The following CLEC2D variants were observed in gnomAD, a reference collection of about 807,000 sequenced individuals.
CLEC2D encodes the protein C-type lectin related f.
CLEC2D carries 16 observed loss-of-function variants against 20.0 expected under a neutral mutation model. That is an observed-to-expected ratio of 0.80 (90% CI 0.54 to 1.22). The LOEUF (loss-of-function observed/expected upper bound fraction) is 1.22, where lower values mean the gene tolerates loss of function less well. Among genes scored for constraint, CLEC2D ranks in the 50% most tolerant of loss-of-function variants. The pLI is 0.00. For synonymous variants in CLEC2D, 77 were observed against 71.1 expected, an observed-to-expected ratio of 1.08 and a Z score of -0.42; for missense variants, 207 against 221.5, an observed-to-expected ratio of 0.93 and a Z score of 0.42.
intron 3 of CLEC2D, among the ~76,000 whole-genome samples, chr12:9,692,415 C>T (rs1379796838): frequency 6.6e-6 from 1 of 152,132 alleles, no homozygotes; most frequent in African/African-American, 2.4e-5. Flanking sequence ...ACTGGGATTA[C>T]AGGTGCTTGG....
chr12:9,690,441 A>G (rs1341453217), intron 3 of CLEC2D, among the ~76,000 whole-genome samples: 2 of 152,102 alleles, frequency 1.3e-5, no homozygotes, highest in Non-Finnish European at 2.9e-5. Flanking sequence ...TCATAAAAGT[A>G]ACAATAGAGG....
intron 1 of CLEC2D, among the ~76,000 whole-genome samples, chr12:9,670,273 C>T (rs945731715): frequency 1.4e-4 from 21 of 150,376 alleles, no homozygotes; most frequent in Non-Finnish European, 2.7e-4. Flanking sequence ...ACATTGGATG[C>T]ACTGGAAATA....
At chr12:9,689,612 C>T (rs1348525811) in intron 3 of CLEC2D, among the ~76,000 whole-genome samples, 3 of 151,312 alleles carry the variant, frequency 2.0e-5, no homozygotes, top group South Asian at 2.1e-4. Flanking sequence ...TAAAGGAAAC[C>T]GAAAACATAA....
Position 9,695,579 on chromosome 12 carries a change from A to G in CLEC2D, c.*705A>G. The G allele has an allele frequency of 2.7e-6, 4 of 1,506,666 alleles. No individual in the cohort carries two copies. The highest frequency in any genetic ancestry group is 3.6e-6 in the Non-Finnish European group (4 of 1,097,704). The allele number at this position is 1,506,666 out of a possible 1,614,324, so 93.3% of individuals were successfully genotyped here. On this transcript the variant is annotated 3_prime_UTR_variant, in exon 5 of 5. Coordinates refer to ENST00000290855, the MANE Select transcript of CLEC2D (RefSeq NM_013269.6). ...CACATTGTTGAAGCAGAGGCCATGA[A>G]TGACGAAGGCAGTCCAATTAAAGTA...
In CLEC2D at chr12:9,695,489, G is replaced by A. The variant is rs1865962328; in HGVS notation, c.*615G>A. ...AGATGATCACTTTAAGGTGGATAAT[G>A]ATGAAAATGAGACCAGTTATCTTTA... On this transcript the variant is annotated 3_prime_UTR_variant, in exon 5 of 5. Coordinates refer to ENST00000290855, the MANE Select transcript of CLEC2D (RefSeq NM_013269.6). 7.9e-7 allele frequency: 1 copy of A among 1,270,694 alleles called. No homozygotes were observed. The highest frequency in any genetic ancestry group is 1.7e-5 in the Admixed American group (1 of 59,388). The allele number at this position is 1,270,694 out of a possible 1,614,324, so 78.7% of individuals were successfully genotyped here. A position where few individuals can be genotyped will look rare whatever the true frequency, so the allele number is the denominator to read the frequency against.
At chr12:9,686,372 A>G (rs979994160) in intron 2 of CLEC2D, among the ~76,000 whole-genome samples, 2 of 151,968 alleles carry the variant, frequency 1.3e-5, no homozygotes, top group African/African-American at 4.8e-5. Context: ...ACAAATATGC[A>G]CAGATTTGGG....
In CLEC2D at chr12:9,697,253, G is replaced by A. The variant is rs990575299; in HGVS notation, c.*2379G>A. On this transcript the variant is annotated 3_prime_UTR_variant, in exon 5 of 5. Coordinates refer to ENST00000290855, the MANE Select transcript of CLEC2D (RefSeq NM_013269.6). ...AATGAGGGCAAGGAACACCTGGCCT[G>A]CCCAGGGTGGAAAACCACTTAAAGG... 1.3e-5 allele frequency: 2 copies of A among 152,138 alleles called. No homozygotes were observed. The highest frequency in any genetic ancestry group is 2.9e-5 in the Non-Finnish European group (2 of 68,034). 9.4% of individuals were successfully genotyped at this position (152,138 alleles called of 1,614,324 possible). A position where few individuals can be genotyped will look rare whatever the true frequency, so the allele number is the denominator to read the frequency against.
At chr12:9,681,206 G>A (rs1314146681) in intron 2 of CLEC2D, among the ~76,000 whole-genome samples, 173 bp downstream of exon 2, 1 of 152,052 alleles carries the variant, frequency 6.6e-6, no homozygotes, top group African/African-American at 2.4e-5. Flanking sequence ...TGTAAATAGG[G>A]TTCACATTAT....
In CLEC2D at chr12:9,697,498, AG is replaced by A. The variant is rs1292264097; in HGVS notation, c.*2626del. 6.6e-6 allele frequency: 1 copy of A among 151,832 alleles called. No homozygotes were observed. Among genetic ancestry groups the A allele is most frequent in the African/African-American group, 2.4e-5 (1 of 41,154 alleles). The allele number at this position is 151,832 out of a possible 1,614,324, so 9.4% of individuals were successfully genotyped here. A position where few individuals can be genotyped will look rare whatever the true frequency, so the allele number is the denominator to read the frequency against. On this transcript the variant is annotated 3_prime_UTR_variant, in exon 5 of 5. Coordinates refer to ENST00000290855, the MANE Select transcript of CLEC2D (RefSeq NM_013269.6). ...CTCTGTTCTGGGCTCTCAGCTCTGA[AG>A]GCTGTGAGACCCCTGATTTCCCACT...
chr12:9,692,693 G>A, intron 3 of CLEC2D, 135 bp from the exon 4 acceptor site: 4 of 594,106 alleles, frequency 6.7e-6, no homozygotes, highest in Non-Finnish European at 9.1e-6. Context: ...CACCTATTCT[G>A]TATGTATTAC....
intron 2 of CLEC2D, among the ~76,000 whole-genome samples, chr12:9,686,672 TTA>T (rs983501928): frequency 2.0e-5 from 3 of 152,226 alleles, no homozygotes; most frequent in Middle Eastern, 3.4e-3. Context: ...TAGAAGGTGG[TTA>T]TATAATAGAA....
intron 1 of CLEC2D, among the ~76,000 whole-genome samples, chr12:9,679,539 A>G (rs961146226): frequency 1.3e-5 from 2 of 152,122 alleles, no homozygotes; most frequent in African/African-American, 4.8e-5. Context: ...AAGAATGTAA[A>G]TGTCATTTTT....
chr12:9,683,343 T>G (rs1162317490), intron 2 of CLEC2D, among the ~76,000 whole-genome samples: 39 of 148,492 alleles, frequency 2.6e-4, no homozygotes, highest in Non-Finnish European at 4.3e-4. Context: ...TTGTTTTTTT[T>G]TTTTTTTTTT....
chr12:9,693,683 G>T (rs1203570256), intron 4 of CLEC2D: 1 of 297,484 alleles, frequency 3.4e-6, no homozygotes, highest in East Asian at 1.3e-4. Context: ...TTTATACATT[G>T]TTGTATCTAC....
chr12:9,695,902 G>A lies in CLEC2D; in HGVS notation c.*1028G>A, dbSNP rs11052491. The A allele has an allele frequency of 7.4e-4, 844 of 1,145,672 alleles. 7 individuals carry two copies. In the East Asian group the frequency reaches 0.018, roughly 24 times the overall value. 71.0% of individuals were successfully genotyped at this position (1,145,672 alleles called of 1,614,324 possible). The stretch of plus-strand genomic sequence containing the variant: ...TGATGATGATGATGATGACGAGGAA[G>A]CTGAAGAAAAAGCGCCAGTGAAGAA... On this transcript the variant is annotated 3_prime_UTR_variant, in exon 5 of 5. Coordinates refer to ENST00000290855, the MANE Select transcript of CLEC2D (RefSeq NM_013269.6).
intron 1 of CLEC2D, among the ~76,000 whole-genome samples, chr12:9,676,108 C>G (rs1387206021): frequency 6.6e-6 from 1 of 152,136 alleles, no homozygotes; most frequent in Non-Finnish European, 1.5e-5. Context: ...TTCTTACTTT[C>G]TCATCTGTAT....
In CLEC2D at chr12:9,695,881, GA is replaced by G; in HGVS notation, c.*1008del. 9.3e-7 allele frequency: 1 copy of G among 1,076,086 alleles called. No homozygotes were observed. Among genetic ancestry groups the G allele is most frequent in the Non-Finnish European group, 1.4e-6 (1 of 704,082 alleles). 66.7% of individuals were successfully genotyped at this position (1,076,086 alleles called of 1,614,324 possible). On this transcript the variant is annotated 3_prime_UTR_variant, in exon 5 of 5. Coordinates refer to ENST00000290855, the MANE Select transcript of CLEC2D (RefSeq NM_013269.6). ...TGATGATGATGATGATGAAGATGAT[GA>G]TGATGATGATGACGAGGAAGCTGAA...
intron 3 of CLEC2D, among the ~76,000 whole-genome samples, chr12:9,691,133 T>G (rs1221903376): frequency 6.6e-6 from 1 of 152,052 alleles, no homozygotes; most frequent in Non-Finnish European, 1.5e-5. Flanking sequence ...TATATTTTTG[T>G]CAAACAAAAT....
chr12:9,681,317 A>G (rs956880010), intron 2 of CLEC2D, among the ~76,000 whole-genome samples: 6 of 152,156 alleles, frequency 3.9e-5, no homozygotes, highest in African/African-American at 1.4e-4. Context: ...GTAAACTGAA[A>G]AATAGTCTCT....
Sources: gnomAD v4.1 joint callset for allele counts (sites outside exome capture counted in the v4.1 genomes callset) on GRCh38, gnomAD v4.1.1 for gene constraint, MANE v1.5 for transcripts, NCBI Gene and HGNC (gene_info 2026-07-23, HGNC 2026-07-21) for gene names.